ARHGEF7: variants seen among roughly 807,000 people sequenced by gnomAD.
ARHGEF7 encodes the protein PAK-interacting exchange factor beta.
In ARHGEF7, 33 loss-of-function variants were observed where a neutral mutation model predicts 109.8. That is an observed-to-expected ratio of 0.30 (90% confidence interval 0.23 to 0.40). The LOEUF (loss-of-function observed/expected upper bound fraction) is 0.40. Ranked by LOEUF, ARHGEF7 falls within the 10% of genes least tolerant of loss-of-function variation. ARHGEF7 has a pLI of 1.00. For synonymous variants in ARHGEF7, 458 were observed against 424.6 expected, an observed-to-expected ratio of 1.08 and a Z score of -0.97; for missense variants, 938 against 1,098.5, an observed-to-expected ratio of 0.85 and a Z score of 2.07.
chr13:111,268,279 G>A (rs2091841172), intron 9 of ARHGEF7, among the ~76,000 whole-genome samples: 1 of 152,240 alleles, frequency 6.6e-6, no homozygotes, highest in African/African-American at 2.4e-5. Context: ...GGATTGGCTT[G>A]GAGGAGACCA....
At chr13:111,152,239 ATTACAC>A (rs2153372425) in intron 1 of ARHGEF7, among the ~76,000 whole-genome samples, 1 of 152,308 alleles carries the variant, frequency 6.6e-6, no homozygotes, top group African/African-American at 2.4e-5. Context: ...TTATGTTTCT[ATTACAC>A]TTAGATTCTA....
chr13:111,153,696 G>T, intron 1 of ARHGEF7: 2 of 1,306,668 alleles, frequency 1.5e-6, no homozygotes, highest in South Asian at 4.0e-5. Flanking sequence ...GCAGAGATTG[G>T]TGCAGCCCCG....
intron 2 of ARHGEF7, among the ~76,000 whole-genome samples, chr13:111,160,380 A>G (rs370535311): frequency 5.4e-5 from 8 of 148,980 alleles, no homozygotes; most frequent in Admixed American, 2.7e-4. Context: ...TTGTTTTTCT[A>G]TATCTGTGAA....
In ARHGEF7 at chr13:111,273,040, T is replaced by C. The variant is rs3825461; in HGVS notation, c.1074-774T>C. On this transcript the variant is annotated intron_variant, in intron 9 of 21. Transcript: ENST00000646102. The surrounding 1 kb of genome is among the most constrained non-coding windows in gnomAD (Gnocchi z 4.5). Reference sequence around the variant, plus strand: ...GGTTGAAGAGGAATACAGAAAGTTCTAAAACTTGTTTCTGACTCTTTAATT... The same window carrying C: ...GGTTGAAGAGGAATACAGAAAGTTCCAAAACTTGTTTCTGACTCTTTAATT... Among the ~76,000 whole-genome samples, 55,589 of 152,056 alleles carry C rather than the reference T, an allele frequency of 0.37. 11,000 individuals are homozygous for C. Among genetic ancestry groups the C allele is most frequent in the East Asian group, 0.75 (3,898 of 5,166 alleles).
chr13:111,241,112 C>G, intron 6 of ARHGEF7: 1 of 1,503,346 alleles, frequency 6.7e-7, no homozygotes, highest in Non-Finnish European at 8.8e-7. Context: ...CTGCACTTGC[C>G]TCTCCATGCC....
chr13:111,155,563 G>A (rs769537413), intron 2 of ARHGEF7, among the ~76,000 whole-genome samples: 20 of 152,170 alleles, frequency 1.3e-4, no homozygotes, highest in Non-Finnish European at 2.2e-4. Context: ...ACCCTTTGTC[G>A]TATCAGCTTT....
chr13:111,218,122 A>G (rs929037430), intron 5 of ARHGEF7, among the ~76,000 whole-genome samples: 1 of 151,898 alleles, frequency 6.6e-6, no homozygotes, highest in Non-Finnish European at 1.5e-5. Context: ...GTGAAGAGAA[A>G]CATCTCGAAT....
chr13:111,154,554 C>T (rs1002235105), intron 2 of ARHGEF7, among the ~76,000 whole-genome samples: 1 of 152,196 alleles, frequency 6.6e-6, no homozygotes, highest in African/African-American at 2.4e-5. Context: ...CACTTAATGT[C>T]CAGAGAATTC....
At chr13:111,295,638 T>G (rs993635620) in intron 19 of ARHGEF7, among the ~76,000 whole-genome samples, 4 of 152,222 alleles carry the variant, frequency 2.6e-5, no homozygotes, top group African/African-American at 9.6e-5. Context: ...GGTATAGTGA[T>G]AGGACAAGGT....
At chr13:111,229,386 G>A (rs1226459687) in intron 5 of ARHGEF7, among the ~76,000 whole-genome samples, 2 of 152,072 alleles carry the variant, frequency 1.3e-5, no homozygotes, top group African/African-American at 4.8e-5. Flanking sequence ...CCCTCCTCAC[G>A]GTGATACTAA....
intron 19 of ARHGEF7, among the ~76,000 whole-genome samples, chr13:111,296,163 A>G (rs2093423384): frequency 6.6e-6 from 1 of 151,064 alleles, no homozygotes; most frequent in South Asian, 2.1e-4. Flanking sequence ...GTAGCCAGTC[A>G]TCTCGTCTAT....
At chr13:111,192,906 C>G (rs2080068974) in intron 2 of ARHGEF7, among the ~76,000 whole-genome samples, 1 of 152,150 alleles carries the variant, frequency 6.6e-6, no homozygotes, top group Non-Finnish European at 1.5e-5. Context: ...TTATTGAAAT[C>G]CCTTCGACTT....
intron 2 of ARHGEF7, among the ~76,000 whole-genome samples, chr13:111,157,770 A>T (rs892836459): frequency 6.6e-6 from 1 of 152,106 alleles, no homozygotes; most frequent in Non-Finnish European, 1.5e-5. Context: ...TGTTGTAGCT[A>T]CTGTAGGATG....
chr13:111,215,490 G>A (rs577655028), intron 4 of ARHGEF7, among the ~76,000 whole-genome samples: 2 of 152,012 alleles, frequency 1.3e-5, no homozygotes, highest in East Asian at 1.9e-4. Context: ...TAGGCCTGTC[G>A]TCCCCATGGC....
In ARHGEF7 at chr13:111,287,231, G is replaced by A. The variant is rs187352170; in HGVS notation, c.2044+991G>A. ...GGTAGTCCAGGTCCCTGACCACCAG[G>A]GCCCCTGATGAGATGGTGAGGCCCT... On this transcript the variant is annotated intron_variant, in intron 17 of 21. Transcript: ENST00000646102. Among the ~76,000 whole-genome samples, 850 of 152,322 alleles carry A rather than the reference G, an allele frequency of 5.6e-3. 3 individuals are homozygous for A. Among genetic ancestry groups the A allele is most frequent in the Middle Eastern group, 0.027 (8 of 294 alleles).
intron 8 of ARHGEF7, among the ~76,000 whole-genome samples, chr13:111,253,686 C>T (rs2090066627): frequency 6.6e-6 from 1 of 152,210 alleles, no homozygotes; most frequent in Admixed American, 6.5e-5. Context: ...CCTGGGACTA[C>T]CACACTAAGC....
intron 5 of ARHGEF7, among the ~76,000 whole-genome samples, chr13:111,227,206 G>A (rs1259755350): frequency 2.6e-5 from 4 of 152,258 alleles, no homozygotes. Context: ...GTTGCAAAAA[G>A]TTAGTTGATA....
At chr13:111,216,192 C>CCT (rs2083112191) in intron 4 of ARHGEF7, among the ~76,000 whole-genome samples, 1 of 152,112 alleles carries the variant, frequency 6.6e-6, no homozygotes, top group Non-Finnish European at 1.5e-5. Flanking sequence ...TCAGCTCTGC[C>CCT]CTCTTAGACT....
chr13:111,202,764 T>G (rs866196370), intron 2 of ARHGEF7, among the ~76,000 whole-genome samples: 6 of 152,262 alleles, frequency 3.9e-5, no homozygotes, highest in African/African-American at 9.6e-5. Context: ...CTCAGATTTT[T>G]CTGTTTCTGT....
Sources: allele counts gnomAD v4.1 joint callset (sites outside exome capture counted in the v4.1 genomes callset), GRCh38; gene constraint gnomAD v4.1.1; non-coding constraint Gnocchi (gnomAD v3.1); transcripts MANE v1.5; gene names NCBI Gene and HGNC (gene_info 2026-07-23, HGNC 2026-07-21).